MUC6: variants seen among roughly 807,000 people sequenced by gnomAD.
MUC6 encodes mucin 6, oligomeric mucus/gel-forming (gene/pseudogene).
In MUC6, 188 loss-of-function variants were observed where a neutral mutation model predicts 201.5. The ratio of observed to expected loss-of-function variants is 0.93; its 90% CI spans 0.83 to 1.05. MUC6 has a LOEUF of 1.05. Ranked by LOEUF, MUC6 falls within the 50% of genes least tolerant of loss-of-function variation. The pLI, the probability that MUC6 is intolerant of heterozygous loss-of-function variation, is 0.00. For synonymous variants in MUC6, 1,228 were observed against 1,389.4 expected (o/e 0.88, Z 2.58); for missense variants, 2,706 against 3,256.9 (o/e 0.83, Z 4.12).
chr11:1,027,096 G>A, intron 18 of MUC6, 45 bp downstream of exon 18: 1 of 1,610,578 alleles, frequency 6.2e-7, no homozygotes, highest in Non-Finnish European at 8.5e-7. Flanking sequence ...GAGGAAGCCG[G>A]GGCCCCTCAC....
rs1353286604 is a variant in MUC6 at position 1,031,166 on chromosome 11, T to C, written c.574+3A>G. The C allele has an allele frequency of 7.2e-6, 5 of 692,338 alleles. No individual in the cohort carries two copies. Among genetic ancestry groups the C allele is most frequent in the Non-Finnish European group, 1.0e-5 (5 of 492,720 alleles). The allele number at this position is 692,338 out of a possible 1,614,324, so 42.9% of individuals were successfully genotyped here. A position where few individuals can be genotyped will look rare whatever the true frequency, so the allele number is the denominator to read the frequency against. On this transcript the variant is annotated splice_donor_region_variant and intron_variant, in intron 5 of 32. Coordinates refer to ENST00000421673, the MANE Select transcript of MUC6 (RefSeq NM_005961.3). The stretch of plus-strand genomic sequence containing the variant: ...GAGGCCCCCCAGCCCTGCCCCCACC[T>C]ACCCTCCTCACTGACAAACTCGTTG...
In MUC6 at chr11:1,013,064, C is replaced by T. The variant is rs192076984; in HGVS notation, c.*392G>A. 3.3e-4 allele frequency: 69 copies of T among 210,560 alleles called. No homozygotes were observed. The highest frequency in any genetic ancestry group is 1.6e-3 in the African/African-American group (68 of 43,518). The allele number at this position is 210,560 out of a possible 1,614,324, so 13.0% of individuals were successfully genotyped here. A position where few individuals can be genotyped will look rare whatever the true frequency, so the allele number is the denominator to read the frequency against. On this transcript the variant is annotated 3_prime_UTR_variant, in exon 33 of 33. Transcript: ENST00000421673. The stretch of plus-strand genomic sequence containing the variant: ...TCGGCACAGGTTTCCGTGCCCTCCT[C>T]GCCCCTGATGGGTCTGGTCGAGCGC...
chr11:1,031,197 CT>C lies in MUC6; in HGVS notation c.545del (p.Lys182ArgfsTer2). The C allele has an allele frequency of 6.4e-7, 1 of 1,566,980 alleles. No homozygotes were observed. Among genetic ancestry groups the C allele is most frequent in the Non-Finnish European group, 8.6e-7 (1 of 1,156,962 alleles). ...MCGLCGNFDG[K>X]VTNEFVSEEG... ...CCTCACTGACAAACTCGTTGGTCAC[CT>C]TCCCGTCAAAGTTCCCGCAGAGCCC... On this transcript the variant is annotated frameshift_variant, in exon 5 of 33. Coordinates refer to ENST00000421673, the MANE Select transcript of MUC6 (RefSeq NM_005961.3). LOFTEE classifies it high-confidence loss of function.
At chr11:1,029,194 C>T (rs772599392) in intron 10 of MUC6, 34 bp downstream of exon 10, 57 of 1,604,890 alleles carry the variant, frequency 3.6e-5, no homozygotes, top group South Asian at 5.6e-5. Flanking sequence ...TCACCGGGAG[C>T]GCCCCTCCCC....
chr11:1,020,157 G>A lies in MUC6; in HGVS notation c.3741C>T (p.Ala1247=). Residue 1247 remains alanine (A), a synonymous_variant, in exon 29 of 33, where the codon GCC becomes GCT. Transcript: ENST00000421673. ...GPSPSSNHTP[A]SPTQTPLLPA... ...GAAGGAGGGGTGTCTGGGTGGGGCT[G>A]GCAGGGGTGTGATTAGAGCTGGGTG... is the stretch of plus-strand genomic sequence containing the variant. 6.2e-7 allele frequency: 1 copy of A among 1,613,180 alleles called. No homozygotes were observed. Among genetic ancestry groups the A allele is most frequent in the Non-Finnish European group, 8.5e-7 (1 of 1,179,846 alleles).
chr11:1,032,715 G>A (rs954430828), intron 2 of MUC6, among the ~76,000 whole-genome samples: 3 of 151,396 alleles, frequency 2.0e-5, no homozygotes, highest in African/African-American at 7.3e-5. Context: ...TGTAGGTTGT[G>A]TGTGTTGGGT....
At chr11:1,032,080 C>A (rs1374966612) in intron 2 of MUC6, 27 bp from the exon 3 acceptor site, 1 of 1,606,812 alleles carries the variant, frequency 6.2e-7, no homozygotes, top group African/African-American at 1.3e-5. Flanking sequence ...GCTCACACAG[C>A]CCTGTGTCCC....
intron 28 of MUC6, 52 bp from the exon 29 acceptor site, chr11:1,020,309 G>A (rs1856778372): frequency 1.3e-6 from 2 of 1,549,632 alleles, no homozygotes; most frequent in Non-Finnish European, 1.7e-6. Context: ...ATATCCTTGG[G>A]GAGCACCCTC....
chr11:1,027,908 C>T lies in MUC6; in HGVS notation c.1848+57G>A. ...ACCTATGCCCTTGGGTGCCTGAGAC[C>T]TTGTCAGCCACCACAGCCTCCCCTG... is the stretch of plus-strand genomic sequence containing the variant. On this transcript the variant is annotated intron_variant, in intron 15 of 32. Coordinates refer to ENST00000421673, the MANE Select transcript of MUC6 (RefSeq NM_005961.3). 1.9e-6 allele frequency: 3 copies of T among 1,563,360 alleles called. No individual in the cohort carries two copies. The South Asian group carries it at 3.5e-5, about 18-fold the overall frequency.
rs368561583 is a variant in MUC6 at position 1,016,334 on chromosome 11, G to A, written c.6467C>T (p.Ser2156Leu). Residue 2156 changes from serine (S) to leucine (L), a missense_variant, in exon 31 of 33, where the codon TCG becomes TTG. Physicochemically the swap from Ser to Leu is moderately radical, Grantham distance 145. Coordinates refer to ENST00000421673, the MANE Select transcript of MUC6 (RefSeq NM_005961.3). ...PSSHSSPQTS[S>L]PSVGTSSSFV... Reference sequence around the variant, plus strand: ...AGAGGAAGATGTGCCAACAGAAGGCGATGAAGTCTGGGGAGAGGAGTGGGA... The same window carrying A: ...AGAGGAAGATGTGCCAACAGAAGGCAATGAAGTCTGGGGAGAGGAGTGGGA... 62 of 1,611,286 alleles carry A rather than the reference G, an allele frequency of 3.8e-5. No homozygotes were observed. Among genetic ancestry groups the A allele is most frequent in the Non-Finnish European group, 5.2e-5 (61 of 1,178,774 alleles).
In MUC6 at chr11:1,025,243, T is replaced by G. The variant is rs1856927168; in HGVS notation, c.2924A>C (p.Asn975Thr). Residue 975 changes from asparagine (N) to threonine (T), a missense_variant, in exon 23 of 33, where the codon AAC becomes ACC. This residue lies in a region of MUC6 where 1,850 missense variants were observed against 1,958.3 expected (regional missense o/e 0.94). Transcript: ENST00000421673. ...VVDISIPGRY[N>T]LTLIWNRHMT... ...GTGCCTGTTCCAGATGAGCGTCAGG[T>G]TGTACCTCCCGGGGATGCTGATGTC... is the stretch of plus-strand genomic sequence containing the variant. 6.2e-7 allele frequency: 1 copy of G among 1,612,668 alleles called. No individual in the cohort carries two copies. The highest frequency in any genetic ancestry group is 1.7e-5 in the Admixed American group (1 of 59,998).
intron 31 of MUC6, among the ~76,000 whole-genome samples, chr11:1,015,146 G>C (rs1237868668): frequency 6.6e-6 from 1 of 152,204 alleles, no homozygotes; most frequent in Non-Finnish European, 1.5e-5. Context: ...CATGGATAAG[G>C]CCTGAGGTGT....
At position 1,026,449 on chromosome 11, in the gene MUC6, G is replaced by T; in HGVS notation, c.2424C>A (p.Val808=). 1 of 1,604,794 alleles carries T rather than the reference G, an allele frequency of 6.2e-7. No individual in the cohort carries two copies. The highest frequency in any genetic ancestry group is 8.5e-7 in the Non-Finnish European group (1 of 1,176,660). The change falls in exon 20 of 33, where the codon GTC becomes GTA. Residue 808 remains valine, a synonymous_variant. Transcript: ENST00000421673. ...CVPTKCEPGC[V]CAEGLYENAD... ...CATTCTCGTAGAGGCCCTCGGCGCA[G>T]ACACAGCCAGGCTCACACTTGGTGG...
intron 1 of MUC6, among the ~76,000 whole-genome samples, chr11:1,034,512 C>A (rs919267047): frequency 6.6e-6 from 1 of 152,206 alleles, no homozygotes; most frequent in Non-Finnish European, 1.5e-5. Context: ...CGCAGCACAC[C>A]GAACCCTCAG....
Position 1,028,019 on chromosome 11 carries a change from T to C in MUC6, c.1794A>G (p.Thr598=). 6.3e-7 allele frequency: 1 copy of C among 1,586,368 alleles called. No homozygotes were observed. The highest frequency in any genetic ancestry group is 8.6e-7 in the Non-Finnish European group (1 of 1,166,852). Residue 598 remains threonine (T), a synonymous_variant, in exon 15 of 33, where the codon ACA becomes ACG. Transcript: ENST00000421673. ...AETHCSMLLR[T]GTVFERCHAT... ...CGTGGCACCTCTCGAACACCGTGCC[T>C]GTCCTCAGCAGCATGGAGCAGTGGG...
rs1856923842 is a variant in MUC6, at chr11:1,025,169, G to A, written c.2985+13C>T. 6.2e-7 allele frequency: 1 copy of A among 1,610,412 alleles called. No individual in the cohort carries two copies. The highest frequency in any genetic ancestry group is 1.3e-5 in the African/African-American group (1 of 74,926). ...CAGGGAGGGCCTGGGAGGAGGCAGA[G>A]GGCGTGCGGTACCTGGGAGGCACGG... On this transcript the variant is annotated intron_variant, in intron 23 of 32. Coordinates refer to ENST00000421673, the MANE Select transcript of MUC6 (RefSeq NM_005961.3).
At chr11:1,032,954 T>C in intron 2 of MUC6, 59 bp downstream of exon 2, 2 of 1,500,744 alleles carry the variant, frequency 1.3e-6, no homozygotes, top group South Asian at 2.5e-5. Flanking sequence ...GGCCCCTCTC[T>C]CCTGCACACC....
rs1402539785 is a variant in MUC6 at position 1,028,024 on chromosome 11, T to G, written c.1789A>C (p.Arg597=). The part of the protein sequence containing the change: ...CAETHCSMLL[R]TGTVFERCHA... ...CACCTCTCGAACACCGTGCCTGTCCTCAGCAGCATGGAGCAGTGGGTCTCT... is the reference window on the plus strand; with the variant it reads ...CACCTCTCGAACACCGTGCCTGTCCGCAGCAGCATGGAGCAGTGGGTCTCT... The change falls in exon 15 of 33, where the codon AGG becomes CGG. Residue 597 remains arginine, a synonymous_variant. Transcript: ENST00000421673. 6.3e-7 allele frequency: 1 copy of G among 1,584,986 alleles called. No homozygotes were observed. Among genetic ancestry groups the G allele is most frequent in the Non-Finnish European group, 8.6e-7 (1 of 1,166,148 alleles).
At chr11:1,019,615 C>T in intron 29 of MUC6, 119 bp from the exon 30 acceptor site, 2 of 878,082 alleles carry the variant, frequency 2.3e-6, no homozygotes, top group South Asian at 3.0e-5. Flanking sequence ...ACTCAGCCTC[C>T]TTGGAGGGGC....
Sources: allele counts gnomAD v4.1 joint callset (sites outside exome capture counted in the v4.1 genomes callset), GRCh38; gene constraint gnomAD v4.1.1; regional missense constraint gnomAD v4.1.1; transcripts MANE v1.5; gene names NCBI Gene and HGNC (gene_info 2026-07-23, HGNC 2026-07-21).